TAS2R1: variants seen among roughly 807,000 people sequenced by gnomAD.
The protein encoded by TAS2R1 is taste receptor type 2 member 1.
For missense variants in TAS2R1, 370 were observed against 353.4 expected (o/e 1.05, Z -0.38); for synonymous variants, 141 against 134.2 (o/e 1.05, Z -0.35).
At chr5:9,868,729 T>G in the TAS2R1 span, among the ~76,000 whole-genome samples, 3 of 152,218 alleles carry the variant, frequency 2.0e-5, no homozygotes, top group Non-Finnish European at 4.4e-5. Context: ...TTCTATTGCA[T>G]CATTAGGCTG....
chr5:9,649,961 A>G (rs527814899), intron 2 of TAS2R1, among the ~76,000 whole-genome samples: 27 of 152,292 alleles, frequency 1.8e-4, no homozygotes, highest in Admixed American at 3.3e-4. Flanking sequence ...GTCTGCAGGT[A>G]AATTTCCAAT....
At chr5:9,861,554 G>A in the TAS2R1 span, among the ~76,000 whole-genome samples, 1 of 152,180 alleles carries the variant, frequency 6.6e-6, no homozygotes, top group Non-Finnish European at 1.5e-5. Flanking sequence ...TTGTTTCAGA[G>A]TCTTGTCTAT....
the TAS2R1 span, among the ~76,000 whole-genome samples, chr5:9,756,932 G>C: frequency 6.6e-6 from 1 of 152,092 alleles, no homozygotes; most frequent in Non-Finnish European, 1.5e-5. Flanking sequence ...TGTGAGAAAA[G>C]TTTGTTCTCT....
chr5:9,629,267 T>G lies in TAS2R1; in HGVS notation c.766A>C (p.Arg256=). ...AGGATGAAGAACAGAAAGATGAACC[T>G]TCTGATGTGAAACTTTAGAGAAGAG... ...FLSSLKFHIR[R]FIFLFFILVI... The change falls in exon 1 of 1, where the codon AGG becomes CGG. Residue 256 remains arginine, a synonymous_variant. Transcript: ENST00000382492. 1 of 1,614,056 alleles carries G rather than the reference T, an allele frequency of 6.2e-7. No individual in the cohort carries two copies. Among genetic ancestry groups the G allele is most frequent in the Non-Finnish European group, 8.5e-7 (1 of 1,180,004 alleles).
At chr5:9,829,262 C>G in the TAS2R1 span, among the ~76,000 whole-genome samples, 1 of 152,152 alleles carries the variant, frequency 6.6e-6, no homozygotes, top group Non-Finnish European at 1.5e-5. Context: ...AAATTTAAAC[C>G]TCACTAGCAC....
the TAS2R1 span, among the ~76,000 whole-genome samples, chr5:9,796,722 A>G: frequency 2.5e-5 from 2 of 78,696 alleles, no homozygotes; most frequent in African/African-American, 3.9e-5. Context: ...TATTTTCTGG[A>G]AAAAAAAAAA....
chr5:9,820,595 A>C, the TAS2R1 span, among the ~76,000 whole-genome samples: 1 of 152,172 alleles, frequency 6.6e-6, no homozygotes, highest in Non-Finnish European at 1.5e-5. Flanking sequence ...CCTGCAAAGC[A>C]CAAACACTCA....
chr5:9,775,019 G>A, the TAS2R1 span, among the ~76,000 whole-genome samples: 1 of 152,208 alleles, frequency 6.6e-6, no homozygotes, highest in Non-Finnish European at 1.5e-5. Flanking sequence ...CCTTTAGGGT[G>A]GCAAGATCAC....
At chr5:9,728,023 C>T in the TAS2R1 span, among the ~76,000 whole-genome samples, 1 of 152,234 alleles carries the variant, frequency 6.6e-6, no homozygotes. Flanking sequence ...AAGCAAAGAA[C>T]AGAGATGCAA....
At chr5:9,727,986 G>C in the TAS2R1 span, among the ~76,000 whole-genome samples, 2 of 152,178 alleles carry the variant, frequency 1.3e-5, no homozygotes, top group African/African-American at 2.4e-5. Context: ...CAGAAATGGG[G>C]AACAATGGAG....
chr5:9,850,771 C>T, the TAS2R1 span, among the ~76,000 whole-genome samples: 1 of 152,330 alleles, frequency 6.6e-6, no homozygotes, highest in East Asian at 1.9e-4. Flanking sequence ...GTTGGAGCTC[C>T]TGATAAAAGA....
the TAS2R1 span, among the ~76,000 whole-genome samples, chr5:9,760,512 T>C: frequency 6.6e-6 from 1 of 152,220 alleles, no homozygotes; most frequent in Non-Finnish European, 1.5e-5. Flanking sequence ...TGGGAAATAT[T>C]ACAGGTATGC....
At chr5:9,767,152 C>T in the TAS2R1 span, among the ~76,000 whole-genome samples, 2 of 152,018 alleles carry the variant, frequency 1.3e-5, no homozygotes, top group Non-Finnish European at 2.9e-5. Context: ...CTATCATTTC[C>T]TCCTCCAAAT....
rs546574958 is a variant in TAS2R1, at chr5:9,639,022, T to G, written c.-80-9030A>C. 6.6e-5 allele frequency among the ~76,000 whole-genome samples: 10 copies of G among 152,298 alleles called. No homozygotes were observed. The East Asian group carries it at 1.9e-3, about 29-fold the overall frequency. ...GCGCACCCCACTGGGAAAGCAAGCATGGCTTTCAGACCTAGCCCCTCTCCA... is the reference window on the plus strand; with the variant it reads ...GCGCACCCCACTGGGAAAGCAAGCAGGGCTTTCAGACCTAGCCCCTCTCCA... On this transcript the variant is annotated intron_variant, in intron 2 of 2. Coordinates refer to the TAS2R1 transcript ENST00000506620.
the TAS2R1 span, among the ~76,000 whole-genome samples, chr5:9,852,746 T>C: frequency 6.6e-6 from 1 of 152,214 alleles, no homozygotes; most frequent in Non-Finnish European, 1.5e-5. Flanking sequence ...ACAGCACTGA[T>C]ACCCCTGTAC....
the TAS2R1 span, among the ~76,000 whole-genome samples, chr5:9,858,747 T>C: frequency 9.7e-4 from 148 of 152,298 alleles, no homozygotes; most frequent in African/African-American, 3.3e-3. Context: ...GACTGAATGG[T>C]TGTTACAGGG....
the TAS2R1 span, among the ~76,000 whole-genome samples, chr5:9,837,692 C>A: frequency 6.6e-6 from 1 of 152,220 alleles, no homozygotes; most frequent in African/African-American, 2.4e-5. Flanking sequence ...GAAACACCTT[C>A]TTCATTTCTT....
At chr5:9,878,962 G>A in the TAS2R1 span, among the ~76,000 whole-genome samples, 1 of 152,196 alleles carries the variant, frequency 6.6e-6, no homozygotes, top group Non-Finnish European at 1.5e-5. Context: ...GCCAGTGAGT[G>A]CAGGGTGCCA....
At chr5:9,719,781 G>A in the TAS2R1 span, among the ~76,000 whole-genome samples, 1 of 123,274 alleles carries the variant, frequency 8.1e-6, no homozygotes, top group South Asian at 2.6e-4. Flanking sequence ...AGCCGGGCGT[G>A]GTGGCGGGCG....
Sources: gnomAD v4.1 joint callset for allele counts (sites outside exome capture counted in the v4.1 genomes callset) on GRCh38, gnomAD v4.1.1 for gene constraint, MANE v1.5 for transcripts, NCBI Gene and HGNC (gene_info 2026-07-23, HGNC 2026-07-21) for gene names.